SLC24A2: variants seen among roughly 807,000 people sequenced by gnomAD.
SLC24A2 encodes the protein sodium/potassium/calcium exchanger 2.
A neutral mutation model predicts 62.0 loss-of-function variants in SLC24A2; 36 were observed. That is an observed-to-expected ratio of 0.58 (90% CI 0.44 to 0.77). SLC24A2 has a LOEUF of 0.77. Ranked by LOEUF, SLC24A2 falls within the 30% of genes least tolerant of loss-of-function variation. The probability of loss-of-function intolerance (pLI) is 0.00; values close to 1 mark genes in which losing one functional copy is unlikely to be tolerated. For missense variants in SLC24A2, 846 were observed against 817.9 expected, an observed-to-expected ratio of 1.03 and a Z score of -0.42; for synonymous variants, 358 against 294.0, an observed-to-expected ratio of 1.22 and a Z score of -2.23.
the SLC24A2 span, among the ~76,000 whole-genome samples, chr9:19,975,826 C>T: frequency 1.3e-5 from 2 of 151,898 alleles, no homozygotes; most frequent in Admixed American, 6.6e-5. Flanking sequence ...TGTGGGCCTG[C>T]ATCCTCAGAT....
the SLC24A2 span, among the ~76,000 whole-genome samples, chr9:19,864,076 A>C: frequency 6.6e-6 from 1 of 152,060 alleles, no homozygotes. Context: ...AAACTGGAAA[A>C]TCTAGAAAAA....
the SLC24A2 span, among the ~76,000 whole-genome samples, chr9:19,969,731 A>G: frequency 2.0e-5 from 3 of 152,208 alleles, no homozygotes; most frequent in Admixed American, 6.5e-5. Flanking sequence ...ATTGTAGGAA[A>G]TTCACATAAT....
the SLC24A2 span, among the ~76,000 whole-genome samples, chr9:20,170,278 GC>G: frequency 7.1e-6 from 1 of 141,384 alleles, no homozygotes; most frequent in African/African-American, 2.9e-5. Context: ...CAGCACTCAG[GC>G]AAAAGTTGTC....
chr9:19,523,795 C>T (rs1833307038), intron 9 of SLC24A2, among the ~76,000 whole-genome samples: 2 of 152,130 alleles, frequency 1.3e-5, no homozygotes, highest in African/African-American at 4.8e-5. Context: ...AGACATTACT[C>T]CTTTCCCTCT....
the SLC24A2 span, among the ~76,000 whole-genome samples, chr9:19,801,199 G>A: frequency 6.6e-6 from 1 of 152,216 alleles, no homozygotes; most frequent in African/African-American, 2.4e-5. Context: ...CATGCGGTGA[G>A]TGTTTTAGCT....
intron 5 of SLC24A2, among the ~76,000 whole-genome samples, chr9:19,586,147 C>A (rs1464141865): frequency 6.6e-6 from 1 of 152,162 alleles, no homozygotes; most frequent in Non-Finnish European, 1.5e-5. Context: ...CTTCTGGAAG[C>A]CTTCCCTGAG....
At chr9:19,801,402 C>G in the SLC24A2 span, among the ~76,000 whole-genome samples, 1 of 152,190 alleles carries the variant, frequency 6.6e-6, no homozygotes, top group Non-Finnish European at 1.5e-5. Flanking sequence ...GGATGGAAGT[C>G]AGCGGCGGGT....
At chr9:19,940,261 A>G in the SLC24A2 span, among the ~76,000 whole-genome samples, 1 of 152,352 alleles carries the variant, frequency 6.6e-6, no homozygotes, top group Admixed American at 6.5e-5. Flanking sequence ...CTAATAATCC[A>G]AACAGGGGAA....
chr9:19,510,455 AAAAAAGTT>A lies in SLC24A2; in HGVS notation c.*5690_*5697del, dbSNP rs1200196494. 1.3e-5 allele frequency: 2 copies of A among 149,648 alleles called. No homozygotes were observed. Among genetic ancestry groups the A allele is most frequent in the South Asian group, 2.1e-4 (1 of 4,794 alleles). The allele number at this position is 149,648 out of a possible 1,614,324, so 9.3% of individuals were successfully genotyped here. ...TTTGCCAAAAAAAAAAAAAAAAAAA[AAAAAAGTT>A]AAGTCATTAAGTGGATGGGTTTGGG... On this transcript the variant is annotated 3_prime_UTR_variant, in exon 11 of 11. Coordinates refer to ENST00000341998, the MANE Select transcript of SLC24A2 (RefSeq NM_020344.4).
the SLC24A2 span, among the ~76,000 whole-genome samples, chr9:19,894,062 AAT>A: frequency 6.6e-6 from 1 of 152,204 alleles, no homozygotes; most frequent in Non-Finnish European, 1.5e-5. Context: ...TGATAAACAT[AAT>A]CTATTCTGGG....
At chr9:19,720,029 G>A (rs145453021) in intron 2 of SLC24A2, among the ~76,000 whole-genome samples, 5 of 152,252 alleles carry the variant, frequency 3.3e-5, no homozygotes, top group African/African-American at 4.8e-5. Context: ...TACAGAGGCT[G>A]GGAAGTGACA....
chr9:19,701,107 G>A (rs1473239799), intron 2 of SLC24A2, among the ~76,000 whole-genome samples: 1 of 152,228 alleles, frequency 6.6e-6, no homozygotes, highest in Non-Finnish European at 1.5e-5. Flanking sequence ...TTGTGGGAAT[G>A]TTGAAGATTT....
the SLC24A2 span, among the ~76,000 whole-genome samples, chr9:20,257,297 C>G: frequency 1.3e-5 from 2 of 151,824 alleles, no homozygotes; most frequent in Non-Finnish European, 2.9e-5. Flanking sequence ...AACAAATACA[C>G]TCCAAAAAAC....
the SLC24A2 span, among the ~76,000 whole-genome samples, chr9:20,051,155 G>C: frequency 1.3e-5 from 2 of 151,796 alleles, no homozygotes; most frequent in Non-Finnish European, 2.9e-5. Context: ...TGAAAACAGG[G>C]TATCATTTAA....
At chr9:19,889,792 C>T in the SLC24A2 span, among the ~76,000 whole-genome samples, 1 of 152,184 alleles carries the variant, frequency 6.6e-6, no homozygotes, top group Non-Finnish European at 1.5e-5. Flanking sequence ...ATTCATTCTA[C>T]ACTTTTAGTT....
At chr9:20,219,222 T>A in the SLC24A2 span, among the ~76,000 whole-genome samples, 1 of 152,284 alleles carries the variant, frequency 6.6e-6, no homozygotes, top group South Asian at 2.1e-4. Context: ...TGTGTATACT[T>A]GCTAGTGAGA....
At chr9:19,714,845 C>T (rs1433433548) in intron 2 of SLC24A2, among the ~76,000 whole-genome samples, 2 of 152,004 alleles carry the variant, frequency 1.3e-5, no homozygotes, top group Non-Finnish European at 2.9e-5. Context: ...TTATGTCGTA[C>T]ATTAGATCTT....
chr9:20,175,017 T>TTATATA, the SLC24A2 span, among the ~76,000 whole-genome samples: 14 of 147,872 alleles, frequency 9.5e-5, no homozygotes, highest in Middle Eastern at 3.6e-3. Context: ...TCTGAATTTT[T>TTATATA]TATATATATA....
At chr9:19,636,512 A>G (rs1234877116) in intron 2 of SLC24A2, among the ~76,000 whole-genome samples, 3 of 144,760 alleles carry the variant, frequency 2.1e-5, no homozygotes, top group South Asian at 4.5e-4. Flanking sequence ...GCTCACTACA[A>G]CCTCTGCCTC....
Sources: gnomAD v4.1 joint callset for allele counts (sites outside exome capture counted in the v4.1 genomes callset) on GRCh38, gnomAD v4.1.1 for gene constraint, MANE v1.5 for transcripts, NCBI Gene and HGNC (gene_info 2026-07-23, HGNC 2026-07-21) for gene names.